ARL9: variants seen among roughly 807,000 people sequenced by gnomAD.
ARL9 encodes the protein ARF like GTPase 9, also known as ADP-ribosylation factor-like protein 9.
ARL9 carries 14 observed loss-of-function variants against 27.0 expected under a neutral mutation model. The observed-to-expected ratio is 0.52, with a 90% CI of 0.34 to 0.81. ARL9 has a LOEUF of 0.81. Among genes scored for constraint, ARL9 ranks in the 30% least tolerant of loss-of-function variants. The probability of loss-of-function intolerance (pLI) is 0.01; values close to 1 mark genes in which losing one functional copy is unlikely to be tolerated. For missense variants in ARL9, 294 were observed against 290.0 expected (o/e 1.01, Z -0.10); for synonymous variants, 106 against 108.7 (o/e 0.98, Z 0.15).
chr4:56,518,990 C>G lies in ARL9; in HGVS notation c.618+137C>G, dbSNP rs549940233. 6.0e-6 allele frequency: 5 copies of G among 838,890 alleles called. 1 individual carries two copies. The South Asian group carries it at 9.2e-5, about 15-fold the overall frequency. The allele number at this position is 838,890 out of a possible 1,614,324, so 52.0% of individuals were successfully genotyped here. A position where few individuals can be genotyped will look rare whatever the true frequency, so the allele number is the denominator to read the frequency against. Reference sequence around the variant, plus strand: ...TTTATTAGAGCTCTTGGATTATAAACACCTTGAGGGTAGAGACTGTTGTTC... The same window carrying G: ...TTTATTAGAGCTCTTGGATTATAAAGACCTTGAGGGTAGAGACTGTTGTTC... On this transcript the variant is annotated intron_variant, in intron 3 of 3. Transcript: ENST00000640821.
rs1259256984 is a variant in ARL9 at position 56,506,132 on chromosome 4, C to T, written c.270C>T (p.Leu90=). The T allele has an allele frequency of 5.7e-6, 7 of 1,233,324 alleles. No individual in the cohort carries two copies. Among genetic ancestry groups the T allele is most frequent in the East Asian group, 6.3e-5 (2 of 31,714 alleles). 76.4% of individuals were successfully genotyped at this position (1,233,324 alleles called of 1,614,324 possible). ...NKDSTLTRTP[L]EPLEKNKQIL... Reference sequence around the variant, plus strand: ...ACAGCACCTTGACAAGGACCCCGCTCGAGCCGCTGGTAAGAGACCCAGTGC... The same window carrying T: ...ACAGCACCTTGACAAGGACCCCGCTTGAGCCGCTGGTAAGAGACCCAGTGC... The change falls in exon 1 of 4, where the codon CTC becomes CTT. Residue 90 remains leucine (L), a synonymous_variant. Transcript: ENST00000640821.
At chr4:56,513,307 G>A (rs1721688883) in intron 2 of ARL9, among the ~76,000 whole-genome samples, 1 of 152,166 alleles carries the variant, frequency 6.6e-6, no homozygotes, top group African/African-American at 2.4e-5. Flanking sequence ...TTGGTGGGAG[G>A]TGAAGTTTCA....
At chr4:56,511,657 G>A (rs1021794163) in intron 2 of ARL9, among the ~76,000 whole-genome samples, 5 of 152,202 alleles carry the variant, frequency 3.3e-5, no homozygotes, top group Non-Finnish European at 5.9e-5. Context: ...CAATCTAAGT[G>A]TAAGTACAGT....
chr4:56,507,511 C>T (rs576963067), intron 1 of ARL9, among the ~76,000 whole-genome samples: 2 of 151,156 alleles, frequency 1.3e-5, no homozygotes, highest in South Asian at 2.1e-4. Flanking sequence ...GATGGGGTTT[C>T]GCCATGTTGC....
At chr4:56,505,706 T>C, upstream of ARL9, 1 of 1,265,526 alleles carries the variant, frequency 7.9e-7, no homozygotes, top group South Asian at 1.6e-5. Context: ...AAGCGGCGGT[T>C]GGCGGCGGTG....
chr4:56,506,008 A>C lies in ARL9; in HGVS notation c.146A>C (p.Lys49Thr). 8.2e-7 allele frequency: 1 copy of C among 1,213,436 alleles called. No homozygotes were observed. The highest frequency in any genetic ancestry group is 1.0e-6 in the Non-Finnish European group (1 of 970,062). 75.2% of individuals were successfully genotyped at this position (1,213,436 alleles called of 1,614,324 possible). Residue 49 changes from lysine (K) to threonine (T), a missense_variant, in exon 1 of 4, where the codon AAG (lysine) becomes ACG (threonine). Transcript: ENST00000640821. The part of the protein sequence containing the change: ...KQKQEKQERR[K>T]GKEKEEKRTK... ...AAGCAAGAGAAGCAGGAGAGGAGAA[A>C]GGGAAAAGAGAAAGAGGAAAAGAGG...
Position 56,511,362 on chromosome 4 carries a change from C to T in ARL9, c.442+15C>T, listed in dbSNP as rs144204489. 2.6e-5 allele frequency: 41 copies of T among 1,602,798 alleles called. No individual in the cohort carries two copies. Among genetic ancestry groups the T allele is most frequent in the Middle Eastern group, 3.3e-4 (2 of 6,000 alleles). ...GTTCCTGGAGAGTAAGCTCTCTGTTCCTTAGTTATAAGATAGCCACATTTT... is the reference window on the plus strand; with the variant it reads ...GTTCCTGGAGAGTAAGCTCTCTGTTTCTTAGTTATAAGATAGCCACATTTT... On this transcript the variant is annotated intron_variant, in intron 2 of 3. Coordinates refer to ENST00000640821, the MANE Select transcript of ARL9 (RefSeq NM_001363794.2).
intron 3 of ARL9, among the ~76,000 whole-genome samples, chr4:56,520,693 A>C (rs1200242278): frequency 6.6e-6 from 1 of 152,216 alleles, no homozygotes; most frequent in African/African-American, 2.4e-5. Context: ...AAATTGAAAA[A>C]AATTTAAACA....
intron 1 of ARL9, among the ~76,000 whole-genome samples, chr4:56,507,025 G>C: frequency 6.6e-6 from 1 of 152,028 alleles, no homozygotes; most frequent in East Asian, 1.9e-4. Context: ...CAAACTCCTG[G>C]GCTCCAGCAA....
intron 1 of ARL9, chr4:56,506,790 G>T (rs943297153): frequency 5.7e-4 from 52 of 91,332 alleles, no homozygotes; most frequent in Non-Finnish European, 8.5e-4. Flanking sequence ...ACACAGTTGT[G>T]TGTGTGTGTG....
At chr4:56,509,744 G>A (rs1721582876) in intron 1 of ARL9, among the ~76,000 whole-genome samples, 1 of 126,804 alleles carries the variant, frequency 7.9e-6, no homozygotes, top group Non-Finnish European at 1.6e-5. Flanking sequence ...GCCTTGCTCT[G>A]TCGCCCAGGC....
chr4:56,514,164 G>A (rs1214180083), intron 2 of ARL9, among the ~76,000 whole-genome samples: 2 of 151,980 alleles, frequency 1.3e-5, no homozygotes, highest in East Asian at 1.9e-4. Context: ...AAGTGAAACC[G>A]TGTCTCAAAA....
chr4:56,517,579 T>TC (rs1414158332), intron 2 of ARL9, among the ~76,000 whole-genome samples: 1 of 152,118 alleles, frequency 6.6e-6, no homozygotes, highest in Non-Finnish European at 1.5e-5. Context: ...TCTTTTTTTT[T>TC]CTCCAAAATT....
chr4:56,505,311 C>G (rs146482271), upstream of ARL9: 371 of 439,272 alleles, frequency 8.4e-4, 5 homozygotes, highest in East Asian at 0.017. Flanking sequence ...CGGAGAAATA[C>G]ATGACATGAG....
chr4:56,508,571 A>AG (rs901436947), intron 1 of ARL9, among the ~76,000 whole-genome samples: 1 of 152,186 alleles, frequency 6.6e-6, no homozygotes, highest in African/African-American at 2.4e-5. Flanking sequence ...TTTTTACTAG[A>AG]GACCGGATTT....
At chr4:56,506,504 C>A (rs1721464200) in intron 1 of ARL9, 1 of 563,152 alleles carries the variant, frequency 1.8e-6, no homozygotes, top group Non-Finnish European at 2.2e-6. Context: ...CATTTAGAAA[C>A]CAGCCCCGAA....
chr4:56,522,847 C>A (rs961537738), intron 3 of ARL9, among the ~76,000 whole-genome samples: 1 of 152,122 alleles, frequency 6.6e-6, no homozygotes, highest in Non-Finnish European at 1.5e-5. Flanking sequence ...TCCCACTGCA[C>A]GTTGTCTGAA....
intron 2 of ARL9, among the ~76,000 whole-genome samples, chr4:56,513,215 G>A (rs929839319): frequency 3.3e-5 from 5 of 152,164 alleles, no homozygotes; most frequent in African/African-American, 1.2e-4. Context: ...TTTTTTTTAG[G>A]ATGCAGCATC....
chr4:56,523,177 G>T (rs142516682), intron 3 of ARL9, among the ~76,000 whole-genome samples: 1 of 152,270 alleles, frequency 6.6e-6, no homozygotes, highest in Admixed American at 6.5e-5. Flanking sequence ...CTTGAGGCCA[G>T]GAGTTTGACA....
Sources: gnomAD v4.1 joint callset for allele counts (sites outside exome capture counted in the v4.1 genomes callset) on GRCh38, gnomAD v4.1.1 for gene constraint, MANE v1.5 for transcripts, NCBI Gene and HGNC (gene_info 2026-07-23, HGNC 2026-07-21) for gene names.